Variants in CAMK1D observed in about 807,000 individuals in gnomAD.
CAMK1D encodes the protein calcium/calmodulin-dependent protein kinase type 1D.
In CAMK1D, 9 loss-of-function variants were observed where a neutral mutation model predicts 47.7. The observed-to-expected ratio is 0.19, with a 90% CI of 0.11 to 0.33. The LOEUF (loss-of-function observed/expected upper bound fraction) is 0.33. Among genes scored for constraint, CAMK1D ranks in the 10% least tolerant of loss-of-function variants. The probability of loss-of-function intolerance (pLI) is 1.00; values close to 1 mark genes in which losing one functional copy is unlikely to be tolerated. For synonymous variants in CAMK1D, 184 were observed against 184.9 expected, an observed-to-expected ratio of 0.99 and a Z score of 0.04; for missense variants, 291 against 488.7, an observed-to-expected ratio of 0.60 and a Z score of 3.81.
intron 1 of CAMK1D, among the ~76,000 whole-genome samples, chr10:12,547,829 C>A (rs1379398115): frequency 6.6e-6 from 1 of 152,178 alleles, no homozygotes; most frequent in Non-Finnish European, 1.5e-5. Context: ...ATTGTGGGAA[C>A]AATAACAATT....
At chr10:12,592,723 G>C (rs1342298493) in intron 2 of CAMK1D, among the ~76,000 whole-genome samples, 3 of 152,174 alleles carry the variant, frequency 2.0e-5, no homozygotes, top group East Asian at 3.8e-4. Flanking sequence ...CGTAGTAATT[G>C]TTCAATGCCA....
intron 6 of CAMK1D, among the ~76,000 whole-genome samples, chr10:12,794,483 A>C (rs17152268): frequency 0.11 from 16,292 of 152,178 alleles, 1,331 homozygotes; most frequent in African/African-American, 0.23. Flanking sequence ...ACTTCTGAGT[A>C]TGATTTGACA....
chr10:12,505,343 A>G (rs1472742922), intron 1 of CAMK1D, among the ~76,000 whole-genome samples: 2 of 151,938 alleles, frequency 1.3e-5, no homozygotes, highest in Non-Finnish European at 2.9e-5. Context: ...AGGAAGTGAA[A>G]ATTCCTCTGC....
At chr10:12,447,443 T>C (rs1164906658) in intron 1 of CAMK1D, among the ~76,000 whole-genome samples, 1 of 152,224 alleles carries the variant, frequency 6.6e-6, no homozygotes, top group Non-Finnish European at 1.5e-5. Flanking sequence ...GGCTCATGCC[T>C]GTAATCCCAA....
chr10:12,736,168 C>G (rs575457103), intron 3 of CAMK1D, among the ~76,000 whole-genome samples: 2 of 152,236 alleles, frequency 1.3e-5, no homozygotes, highest in African/African-American at 4.8e-5. Flanking sequence ...AGGCAGCCTA[C>G]GAGTTTCTTC....
At chr10:12,668,271 T>C (rs1003918556) in intron 3 of CAMK1D, among the ~76,000 whole-genome samples, 3 of 152,236 alleles carry the variant, frequency 2.0e-5, no homozygotes, top group African/African-American at 7.2e-5. Context: ...AATTGGAAGA[T>C]TATGAGATTT....
intron 1 of CAMK1D, among the ~76,000 whole-genome samples, chr10:12,527,864 G>A (rs1835678377): frequency 6.6e-6 from 1 of 152,246 alleles, no homozygotes; most frequent in African/African-American, 2.4e-5. Flanking sequence ...TGGGCGGCAT[G>A]GGTTAGTGGG....
At chr10:12,660,179 C>T (rs1158776865) in intron 2 of CAMK1D, among the ~76,000 whole-genome samples, 1 of 152,206 alleles carries the variant, frequency 6.6e-6, no homozygotes, top group African/African-American at 2.4e-5. Flanking sequence ...TCCAGGGATG[C>T]CCTGCAGATC....
chr10:12,688,470 C>G (rs1001362857), intron 3 of CAMK1D, among the ~76,000 whole-genome samples: 1 of 152,120 alleles, frequency 6.6e-6, no homozygotes, highest in African/African-American at 2.4e-5. Context: ...TAAAGAATTA[C>G]AAACAGGTCA....
At chr10:12,546,870 A>G (rs1351341511) in intron 1 of CAMK1D, among the ~76,000 whole-genome samples, 1 of 152,078 alleles carries the variant, frequency 6.6e-6, no homozygotes, top group Non-Finnish European at 1.5e-5. Flanking sequence ...ATGACGAGTT[A>G]ATGGGTGCAG....
At chr10:12,575,253 C>G (rs193199756) in intron 2 of CAMK1D, among the ~76,000 whole-genome samples, 5 of 151,890 alleles carry the variant, frequency 3.3e-5, no homozygotes, top group African/African-American at 2.4e-5. Context: ...CCACCGGGCC[C>G]GGCTAATTTT....
At chr10:12,631,803 G>A (rs988519127) in intron 2 of CAMK1D, among the ~76,000 whole-genome samples, 6 of 151,746 alleles carry the variant, frequency 4.0e-5, no homozygotes, top group Non-Finnish European at 7.4e-5. Flanking sequence ...TTCTGATCGT[G>A]TAAGTGCTCC....
At chr10:12,818,824 T>G (rs1243220301) in intron 8 of CAMK1D, among the ~76,000 whole-genome samples, 1 of 152,098 alleles carries the variant, frequency 6.6e-6, no homozygotes, top group Non-Finnish European at 1.5e-5. Context: ...AGGAAAGGCT[T>G]GGGGGAGAAG....
chr10:12,603,417 A>G (rs924215798), intron 2 of CAMK1D, among the ~76,000 whole-genome samples: 5 of 152,046 alleles, frequency 3.3e-5, no homozygotes, highest in Non-Finnish European at 7.4e-5. Flanking sequence ...CTTGATCATT[A>G]TATCATATGG....
chr10:12,467,183 C>T (rs1185249552), intron 1 of CAMK1D, among the ~76,000 whole-genome samples: 1 of 152,036 alleles, frequency 6.6e-6, no homozygotes, highest in African/African-American at 2.4e-5. Flanking sequence ...CATGGAGTCT[C>T]ACTCTGTCAC....
At chr10:12,419,626 T>C (rs1839977744) in intron 1 of CAMK1D, among the ~76,000 whole-genome samples, 1 of 133,156 alleles carries the variant, frequency 7.5e-6, no homozygotes, top group Non-Finnish European at 1.6e-5. Flanking sequence ...CAGTCTTAGA[T>C]CAGAAGAGAA....
At chr10:12,668,053 T>G (rs1840487686) in intron 3 of CAMK1D, among the ~76,000 whole-genome samples, 1 of 152,240 alleles carries the variant, frequency 6.6e-6, no homozygotes, top group African/African-American at 2.4e-5. Context: ...TTTTTACTTC[T>G]TGGTTACCAT....
intron 2 of CAMK1D, among the ~76,000 whole-genome samples, chr10:12,582,551 G>A (rs547549047): frequency 4.3e-4 from 66 of 152,230 alleles, no homozygotes; most frequent in Admixed American, 1.2e-3. Context: ...ATTTCTTTTA[G>A]CAGTGTCTTG....
chr10:12,605,189 G>A (rs1838416478), intron 2 of CAMK1D, among the ~76,000 whole-genome samples: 1 of 152,156 alleles, frequency 6.6e-6, no homozygotes. Context: ...CCGGGTACCA[G>A]TGCAGTACTT....
Sources: allele counts gnomAD v4.1 joint callset (sites outside exome capture counted in the v4.1 genomes callset), GRCh38; gene constraint gnomAD v4.1.1; transcripts MANE v1.5; gene names NCBI Gene and HGNC (gene_info 2026-07-23, HGNC 2026-07-21).